CHGA: variants seen among roughly 807,000 people sequenced by gnomAD.
CHGA encodes chromogranin-A.
CHGA carries 41 observed loss-of-function variants against 54.4 expected under a neutral mutation model. The observed-to-expected ratio is 0.75, with a 90% confidence interval of 0.59 to 0.98. The LOEUF is 0.98. Among genes scored for constraint, CHGA ranks in the 50% least tolerant of loss-of-function variants. The pLI is 0.00. For missense variants in CHGA, 576 were observed against 582.3 expected, an observed-to-expected ratio of 0.99 and a Z score of 0.11; for synonymous variants, 249 against 232.8, an observed-to-expected ratio of 1.07 and a Z score of -0.63.
chr14:92,928,841 C>A (rs1295470081), intron 4 of CHGA, among the ~76,000 whole-genome samples: 2 of 152,212 alleles, frequency 1.3e-5, no homozygotes, highest in African/African-American at 2.4e-5. Context: ...CTCTTGGGCT[C>A]CCATAACATC....
At chr14:92,927,422 T>G (rs1408497826) in intron 3 of CHGA, 128 bp from the exon 4 acceptor site, 16 of 710,598 alleles carry the variant, frequency 2.3e-5, no homozygotes, top group Non-Finnish European at 3.9e-5. Flanking sequence ...GAAGACCCAA[T>G]CTTGCTGCCA....
chr14:92,932,232 G>GA lies in CHGA; in HGVS notation c.809-136dup. On this transcript the variant is annotated intron_variant, in intron 6 of 7. Coordinates refer to ENST00000216492, the MANE Select transcript of CHGA (RefSeq NM_001275.4). This position sits in a 1 kb window ranked among gnomAD's most constrained non-coding sequence, Gnocchi z 5.3. ...AGGGTCTTGCAAAGCCTGGCATCAA[G>GA]AAGGTTTTTCCCGCTAAGCGTCATC... 3 of 1,233,932 alleles carry GA rather than the reference G, an allele frequency of 2.4e-6. No homozygotes were observed. Among genetic ancestry groups the GA allele is most frequent in the Non-Finnish European group, 3.3e-6 (3 of 916,122 alleles). 76.4% of individuals were successfully genotyped at this position (1,233,932 alleles called of 1,614,324 possible).
chr14:92,929,123 G>A (rs367557739), intron 4 of CHGA, among the ~76,000 whole-genome samples: 16 of 152,370 alleles, frequency 1.1e-4, no homozygotes, highest in East Asian at 5.8e-4. Context: ...AGGCAGCGGC[G>A]GCGGGGGGAG....
intron 7 of CHGA, 82 bp from the exon 8 acceptor site, chr14:92,934,719 C>T: frequency 9.4e-7 from 1 of 1,061,428 alleles, no homozygotes; most frequent in Non-Finnish European, 1.4e-6. Flanking sequence ...GGCCACACAG[C>T]TAACCCAGCG....
In CHGA at chr14:92,923,323, G is replaced by C; in HGVS notation, c.-37G>C. On this transcript the variant is annotated 5_prime_UTR_variant, in exon 1 of 8. Coordinates refer to ENST00000216492, the MANE Select transcript of CHGA (RefSeq NM_001275.4). Reference sequence around the variant, plus strand: ...CCCTCGCCCGGTGCCTAGGTGCCCGGCCCCACACCGCCAGCTGCTCGGCGC... The same window carrying C: ...CCCTCGCCCGGTGCCTAGGTGCCCGCCCCCACACCGCCAGCTGCTCGGCGC... The C allele has an allele frequency of 7.6e-7, 1 of 1,320,468 alleles. No homozygotes were observed. The highest frequency in any genetic ancestry group is 9.6e-7 in the Non-Finnish European group (1 of 1,037,586). 81.8% of individuals were successfully genotyped at this position (1,320,468 alleles called of 1,614,324 possible). A position where few individuals can be genotyped will look rare whatever the true frequency, so the allele number is the denominator to read the frequency against.
In CHGA at chr14:92,923,402, C is replaced by A. The variant is rs1886824329; in HGVS notation, c.43C>A (p.Gln15Lys). 2 of 1,264,260 alleles carry A rather than the reference C, an allele frequency of 1.6e-6. No homozygotes were observed. Among genetic ancestry groups the A allele is most frequent in the Middle Eastern group, 3.0e-4 (1 of 3,290 alleles). 78.3% of individuals were successfully genotyped at this position (1,264,260 alleles called of 1,614,324 possible). A position where few individuals can be genotyped will look rare whatever the true frequency, so the allele number is the denominator to read the frequency against. The change falls in exon 1 of 8, where the codon CAA (glutamine) becomes AAA (lysine). Residue 15 changes from glutamine to lysine, a missense_variant. Physicochemically the swap from Gln to Lys is moderately conservative, Grantham distance 53. Coordinates refer to ENST00000216492, the MANE Select transcript of CHGA (RefSeq NM_001275.4). ...AVLALLLCAG[Q>K]VTALPVNSPM... ...CCTGGCTCTTCTGCTCTGCGCCGGG[C>A]AAGGTGAGCGAGCGCGGGGAGCTCG... is the stretch of plus-strand genomic sequence containing the variant.
chr14:92,927,846 G>C (rs1275641280), intron 4 of CHGA, among the ~76,000 whole-genome samples: 2 of 152,244 alleles, frequency 1.3e-5, no homozygotes, highest in Non-Finnish European at 2.9e-5. Context: ...ACAGTGAATA[G>C]AGACATGCCA....
rs779009398 is a variant in CHGA at position 92,934,784 on chromosome 14, C to T, written c.1291-17C>T. ...ACTGGCCAGGCTGGCCCGAGTGAAC[C>T]CCAATGTCTCTCCTAGGACCAGGAG... On this transcript the variant is annotated splice_polypyrimidine_tract_variant and intron_variant, in intron 7 of 7. Transcript: ENST00000216492. 1.1e-5 allele frequency: 17 copies of T among 1,566,896 alleles called. No homozygotes were observed. Among genetic ancestry groups the T allele is most frequent in the Admixed American group, 1.9e-5 (1 of 53,198 alleles).
chr14:92,929,633 TG>T, intron 4 of CHGA, 83 bp from the exon 5 acceptor site: 1 of 1,202,010 alleles, frequency 8.3e-7, no homozygotes. Flanking sequence ...AGCTTACAGA[TG>T]GGGAAATGGA....
chr14:92,934,022 T>A lies in CHGA; in HGVS notation c.1291-779T>A, dbSNP rs111566480. 7.6e-4 allele frequency among the ~76,000 whole-genome samples: 116 copies of A among 152,158 alleles called. 1 individual carries two copies. Among genetic ancestry groups the A allele is most frequent in the African/African-American group, 2.4e-3 (101 of 41,526 alleles). ...AAGACTAAGGGGCTGTAGAGTCTAT[T>A]TCCACGGCCTGCAATGTCGGGGTCC... On this transcript the variant is annotated intron_variant, in intron 7 of 7. Coordinates refer to ENST00000216492, the MANE Select transcript of CHGA (RefSeq NM_001275.4).
Position 92,929,776 on chromosome 14 carries a change from G to C in CHGA, c.316G>C (p.Glu106Gln). ...CAGCGGTTTTGAAGATGAACTCTCA[G>C]AGGTTCTTGAGAACCAGAGCAGCCA... ...KHSGFEDELS[E>Q]VLENQSSQAE... Residue 106 changes from glutamate to glutamine, a missense_variant, in exon 5 of 8, where the codon GAG (glutamate) becomes CAG (glutamine). Coordinates refer to ENST00000216492, the MANE Select transcript of CHGA (RefSeq NM_001275.4). 6.2e-7 allele frequency: 1 copy of C among 1,613,540 alleles called. No individual in the cohort carries two copies. Among genetic ancestry groups the C allele is most frequent in the Non-Finnish European group, 8.5e-7 (1 of 1,180,040 alleles).
At chr14:92,923,146 T>C (rs1886815431), upstream of CHGA, 1 of 355,116 alleles carries the variant, frequency 2.8e-6, no homozygotes, top group Non-Finnish European at 5.0e-6. Flanking sequence ...AGGGCGCTGC[T>C]GCTGCCACCG....
intron 7 of CHGA, among the ~76,000 whole-genome samples, 191 bp from the exon 8 acceptor site, chr14:92,934,610 A>T (rs1455639468): frequency 6.6e-6 from 1 of 152,216 alleles, no homozygotes; most frequent in Non-Finnish European, 1.5e-5. Context: ...GGCATCAGCC[A>T]CCTTCTTGTG....
At chr14:92,931,187 T>G in intron 5 of CHGA, 63 bp from the exon 6 acceptor site, 1 of 1,491,142 alleles carries the variant, frequency 6.7e-7, no homozygotes, top group Middle Eastern at 2.1e-4. Flanking sequence ...GAAATTAGCC[T>G]GTGGGGAGGC....
In CHGA at chr14:92,927,621, A is replaced by G; in HGVS notation, c.256+3A>G. 6.2e-7 allele frequency: 1 copy of G among 1,611,970 alleles called. No individual in the cohort carries two copies. The highest frequency in any genetic ancestry group is 8.5e-7 in the Non-Finnish European group (1 of 1,178,840). On this transcript the variant is annotated splice_donor_region_variant and intron_variant, in intron 4 of 7. Transcript: ENST00000216492. ...GCTCCAAGACCTCGCTCTCCAAGGT[A>G]TTTTCCAGCCACTGCACTTGACTCT...
intron 5 of CHGA, among the ~76,000 whole-genome samples, chr14:92,930,746 A>C (rs996867923): frequency 3.3e-5 from 5 of 152,230 alleles, no homozygotes; most frequent in African/African-American, 1.2e-4. Flanking sequence ...TATCATTCTA[A>C]TGACGGGAGG....
Position 92,934,721 on chromosome 14 carries a change from A to T in CHGA, c.1291-80A>T. The T allele has an allele frequency of 3.7e-6, 4 of 1,075,468 alleles. No homozygotes were observed. The South Asian group carries it at 5.6e-5, about 15-fold the overall frequency. 66.6% of individuals were successfully genotyped at this position (1,075,468 alleles called of 1,614,324 possible). On this transcript the variant is annotated intron_variant, in intron 7 of 7. Transcript: ENST00000216492. ...GCCACCTGTCCGAGGCCACACAGCT[A>T]ACCCAGCGCCTTTCTGGCTTACTGT...
chr14:92,931,668 G>C lies in CHGA; in HGVS notation c.774G>C (p.Pro258=), dbSNP rs199772175. 7 of 1,591,892 alleles carry C rather than the reference G, an allele frequency of 4.4e-6. No homozygotes were observed. The highest frequency in any genetic ancestry group is 2.7e-5 in the African/African-American group (2 of 74,422). The change falls in exon 6 of 8, where the codon CCG becomes CCC. Residue 258 remains proline, a synonymous_variant. Transcript: ENST00000216492. ...CCACTGTAGTGCTGAACCCCCACCC[G>C]AGCCTTGGCTACAAGGAGATCCGGA... is the stretch of plus-strand genomic sequence containing the variant. The part of the protein sequence containing the change: ...EGPTVVLNPH[P]SLGYKEIRKG...
rs1181730458 is a variant in CHGA at position 92,932,745 on chromosome 14, G to A, written c.1184G>A (p.Arg395Lys). 4 of 1,609,168 alleles carry A rather than the reference G, an allele frequency of 2.5e-6. No homozygotes were observed. The East Asian group carries it at 6.7e-5, about 27-fold the overall frequency. The change falls in exon 7 of 8, where the codon AGG becomes AAG. Residue 395 changes from arginine (R) to lysine (K), a missense_variant. By Grantham distance (26) the Arg-to-Lys change is conservative (BLOSUM62 2). Transcript: ENST00000216492. This position sits in a 1 kb window ranked among gnomAD's most constrained non-coding sequence, Gnocchi z 5.3. ...GPGPQLRRGW[R>K]PSSREDSLEA... ...GGGCCGCAGCTGCGACGAGGCTGGA[G>A]GCCATCCTCCCGGGAGGACAGCCTT...
Sources: gnomAD v4.1 joint callset for allele counts (sites outside exome capture counted in the v4.1 genomes callset) on GRCh38, gnomAD v4.1.1 for gene constraint, Gnocchi (gnomAD v3.1) non-coding constraint, MANE v1.5 for transcripts, NCBI Gene and HGNC (gene_info 2026-07-23, HGNC 2026-07-21) for gene names.